Variants in MYO16 observed in about 807,000 individuals in gnomAD.
MYO16 encodes the protein myosin XVI, also known as unconventional myosin-XVI.
MYO16 carries 94 observed loss-of-function variants against 205.3 expected under a neutral mutation model. That is an observed-to-expected ratio of 0.46 (90% CI 0.39 to 0.54). MYO16 has a LOEUF of 0.54. Ranked by LOEUF, MYO16 falls within the 20% of genes least tolerant of loss-of-function variation. MYO16 has a pLI of 0.00. For missense variants in MYO16, 2,315 were observed against 2,387.5 expected, an observed-to-expected ratio of 0.97 and a Z score of 0.63; for synonymous variants, 988 against 954.0, an observed-to-expected ratio of 1.04 and a Z score of -0.66.
chr13:108,715,715 G>A (rs969322690), intron 3 of MYO16, among the ~76,000 whole-genome samples: 11 of 152,190 alleles, frequency 7.2e-5, no homozygotes, highest in Admixed American at 1.3e-4. Context: ...ACTGGAGAGG[G>A]ATAAGCAGAT....
intron 1 of MYO16, among the ~76,000 whole-genome samples, chr13:108,637,140 C>T (rs1305472067): frequency 1.3e-5 from 2 of 152,156 alleles, no homozygotes; most frequent in Admixed American, 1.3e-4. Flanking sequence ...GTCTCTTGTT[C>T]AGCCTTTATA....
At chr13:108,980,170 A>C (rs1283148541) in intron 20 of MYO16, among the ~76,000 whole-genome samples, 2 of 152,184 alleles carry the variant, frequency 1.3e-5, no homozygotes, top group Non-Finnish European at 2.9e-5. Flanking sequence ...AAATATTGAG[A>C]GCCACATAGT....
chr13:109,034,744 C>G (rs1039630295), intron 23 of MYO16, among the ~76,000 whole-genome samples: 1 of 152,146 alleles, frequency 6.6e-6, no homozygotes, highest in Non-Finnish European at 1.5e-5. Flanking sequence ...ATTTTAATAA[C>G]CTTTGATATT....
chr13:108,675,690 G>A (rs1377929260), intron 2 of MYO16, among the ~76,000 whole-genome samples: 1 of 152,316 alleles, frequency 6.6e-6, no homozygotes, highest in African/African-American at 2.4e-5. Context: ...CATTTTATGA[G>A]TTTGGTAGGA....
intron 4 of MYO16, among the ~76,000 whole-genome samples, chr13:108,764,506 C>T (rs1027078105): frequency 6.7e-6 from 1 of 150,090 alleles, no homozygotes; most frequent in Non-Finnish European, 1.5e-5. Flanking sequence ...AAGTGGGCAC[C>T]GGCTGGTTTC....
intron 1 of MYO16, among the ~76,000 whole-genome samples, chr13:108,656,376 C>A (rs1046901957): frequency 6.6e-6 from 1 of 152,146 alleles, no homozygotes; most frequent in Non-Finnish European, 1.5e-5. Flanking sequence ...GCCTCTCCAA[C>A]CATAGGGAAC....
chr13:108,738,961 C>G (rs1594253529), intron 4 of MYO16, among the ~76,000 whole-genome samples: 1 of 152,004 alleles, frequency 6.6e-6, no homozygotes, highest in African/African-American at 2.4e-5. Context: ...GATTGCAACC[C>G]CTGCCTTTTT....
In MYO16 at chr13:108,865,201, G is replaced by A. The variant is rs563890080; in HGVS notation, c.1360-976G>A. Among the ~76,000 whole-genome samples, 12 of 152,210 alleles carry A rather than the reference G, an allele frequency of 7.9e-5. No homozygotes were observed. The South Asian group carries it at 2.3e-3, about 29-fold the overall frequency. ...GTTTTATATAAATAAATTGATCAAT[G>A]TGGTAATTACTACTTTAAAATTTTG... is the stretch of plus-strand genomic sequence containing the variant. On this transcript the variant is annotated intron_variant, in intron 11 of 34. Transcript: ENST00000457511.
intron 22 of MYO16, among the ~76,000 whole-genome samples, chr13:109,013,840 A>C (rs974692114): frequency 2.6e-5 from 4 of 151,996 alleles, no homozygotes; most frequent in Admixed American, 2.6e-4. Context: ...AAATTTGTTT[A>C]AGTTCTTTGT....
At chr13:108,741,089 A>G (rs921721678) in intron 4 of MYO16, among the ~76,000 whole-genome samples, 1 of 152,062 alleles carries the variant, frequency 6.6e-6, no homozygotes, top group African/African-American at 2.4e-5. Context: ...TCCCAGGTGA[A>G]GCAATGCCTC....
the MYO16 span, among the ~76,000 whole-genome samples, chr13:108,529,595 C>A: frequency 6.6e-6 from 1 of 152,120 alleles, no homozygotes; most frequent in South Asian, 2.1e-4. Flanking sequence ...AGACTGGGGA[C>A]CTGAGTCTGG....
chr13:108,555,716 A>C, the MYO16 span, among the ~76,000 whole-genome samples: 1 of 152,124 alleles, frequency 6.6e-6, no homozygotes, highest in Non-Finnish European at 1.5e-5. Flanking sequence ...GAAGTTTCAC[A>C]TGTTTTGACT....
At chr13:108,581,408 T>C in the MYO16 span, among the ~76,000 whole-genome samples, 4 of 152,158 alleles carry the variant, frequency 2.6e-5, no homozygotes, top group Non-Finnish European at 5.9e-5. Flanking sequence ...TCTATTACTG[T>C]CTAATTCTTT....
intron 32 of MYO16, among the ~76,000 whole-genome samples, chr13:109,154,522 C>T (rs1465884131): frequency 6.6e-6 from 1 of 152,088 alleles, no homozygotes; most frequent in Non-Finnish European, 1.5e-5. Flanking sequence ...TGTAATTTTT[C>T]TTTTTCTTTC....
the MYO16 span, among the ~76,000 whole-genome samples, chr13:108,509,396 C>T: frequency 6.6e-6 from 1 of 152,148 alleles, no homozygotes; most frequent in Non-Finnish European, 1.5e-5. Context: ...AATTCATAAT[C>T]CTACTACTCT....
At chr13:109,176,147 A>C (rs531311534) in intron 33 of MYO16, among the ~76,000 whole-genome samples, 14 of 152,300 alleles carry the variant, frequency 9.2e-5, no homozygotes, top group African/African-American at 3.4e-4. Flanking sequence ...GTTTGTAATA[A>C]AAAGTTTTAA....
intron 27 of MYO16, among the ~76,000 whole-genome samples, chr13:109,080,214 G>T (rs949894415): frequency 1.3e-5 from 2 of 152,030 alleles, no homozygotes; most frequent in Admixed American, 1.3e-4. Context: ...TGATAATGTG[G>T]ATAATATTTT....
At chr13:108,644,083 G>C (rs2139384587) in intron 1 of MYO16, among the ~76,000 whole-genome samples, 1 of 152,290 alleles carries the variant, frequency 6.6e-6, no homozygotes, top group East Asian at 1.9e-4. Context: ...CCTGGGTCCA[G>C]CCTGGGGTTC....
chr13:108,787,512 C>T (rs1183090185), intron 5 of MYO16, among the ~76,000 whole-genome samples: 1 of 152,154 alleles, frequency 6.6e-6, no homozygotes, highest in African/African-American at 2.4e-5. Flanking sequence ...GCTTATAAAC[C>T]TCTCCAACTC....
Sources: gnomAD v4.1 joint callset for allele counts (sites outside exome capture counted in the v4.1 genomes callset) on GRCh38, gnomAD v4.1.1 for gene constraint, MANE v1.5 for transcripts, NCBI Gene and HGNC (gene_info 2026-07-23, HGNC 2026-07-21) for gene names.